The following ZNF177 variants were observed in gnomAD, a reference collection of about 807,000 sequenced individuals.
ZNF177 encodes the protein zinc finger protein 177.
A neutral mutation model predicts 19.4 loss-of-function variants in ZNF177; 17 were observed. The observed-to-expected ratio is 0.87, with a 90% CI of 0.60 to 1.31. ZNF177 has a LOEUF of 1.31. ZNF177 is among the 40% of genes most tolerant of loss of function. The probability of loss-of-function intolerance (pLI) is 0.00; values close to 1 mark genes in which losing one functional copy is unlikely to be tolerated. For missense variants in ZNF177, 633 were observed against 561.8 expected (o/e 1.13, Z -1.28); for synonymous variants, 220 against 188.7 (o/e 1.17, Z -1.36).
chr19:9,371,151 T>G (rs2068042915), intron 2 of ZNF177, among the ~76,000 whole-genome samples: 1 of 152,188 alleles, frequency 6.6e-6, no homozygotes, highest in Admixed American at 6.5e-5. Flanking sequence ...TAACTGTGCA[T>G]CTCTAGTTGG....
At chr19:9,369,813 A>C (rs925847650) in intron 2 of ZNF177, among the ~76,000 whole-genome samples, 4 of 152,106 alleles carry the variant, frequency 2.6e-5, no homozygotes, top group Non-Finnish European at 5.9e-5. Flanking sequence ...CTTACAGTCT[A>C]AACCTAATCA....
upstream of ZNF177, among the ~76,000 whole-genome samples, chr19:9,372,540 C>CTTTTTTTTT (rs61321271): frequency 1.5e-4 from 13 of 84,576 alleles, no homozygotes; most frequent in East Asian, 3.5e-4. Context: ...CTTTCTTTTC[C>CTTTTTTTTT]TTTTTTTTTT....
Position 9,366,824 on chromosome 19 carries a change from A to G in ZNF177, c.-305+1876A>G, listed in dbSNP as rs116289815. 3.0e-3 allele frequency among the ~76,000 whole-genome samples: 456 copies of G among 152,256 alleles called. 1 individual carries two copies. The highest frequency in any genetic ancestry group is 0.01 in the African/African-American group (425 of 41,524). On this transcript the variant is annotated intron_variant, in intron 2 of 8. Coordinates refer to the ZNF177 transcript ENST00000343499. ...ACTTCACTCCCCTCCACAAAAAAAC[A>G]AGAGAATTTCTCCACATCCTCATCC...
intron 1 of ZNF177, among the ~76,000 whole-genome samples, 170 bp downstream of exon 3, chr19:9,376,593 A>G (rs539578462): frequency 2.0e-5 from 3 of 152,242 alleles, no homozygotes; most frequent in Admixed American, 1.3e-4. Flanking sequence ...TGTGGCTACT[A>G]TGAAGCTTAA....
chr19:9,366,626 T>C (rs867176973), intron 2 of ZNF177, among the ~76,000 whole-genome samples: 3 of 152,358 alleles, frequency 2.0e-5, no homozygotes, highest in Middle Eastern at 6.8e-3. Context: ...CGTTCATCGG[T>C]AGATAGACAT....
At chr19:9,373,096 A>C (rs2068068183), upstream of ZNF177, among the ~76,000 whole-genome samples, 1 of 152,182 alleles carries the variant, frequency 6.6e-6, no homozygotes, top group Admixed American at 6.5e-5. Context: ...TCAGGTCTCC[A>C]AAACTCAGCC....
intron 2 of ZNF177, among the ~76,000 whole-genome samples, chr19:9,365,728 T>C (rs1882571158): frequency 6.6e-6 from 1 of 151,612 alleles, no homozygotes; most frequent in African/African-American, 2.4e-5. Flanking sequence ...ATAAAACACG[T>C]CTCCTGTCTA....
chr19:9,366,955 G>A (rs1411167937), intron 2 of ZNF177, among the ~76,000 whole-genome samples: 1 of 152,196 alleles, frequency 6.6e-6, no homozygotes, highest in East Asian at 1.9e-4. Context: ...ATCTTTTCAT[G>A]TGCAGTTGAC....
intron 1 of ZNF177, among the ~76,000 whole-genome samples, chr19:9,377,502 G>A (rs10416662): frequency 0.55 from 83,315 of 151,836 alleles, 23,040 homozygotes; most frequent in Middle Eastern, 0.62. Context: ...AGTGGGACAC[G>A]GTAGAAGGTG....
At chr19:9,366,022 C>T (rs766457083) in intron 2 of ZNF177, among the ~76,000 whole-genome samples, 7 of 152,108 alleles carry the variant, frequency 4.6e-5, no homozygotes, top group Admixed American at 4.6e-4. Context: ...CTACCTCTGT[C>T]GCCAGGCTAG....
In ZNF177 at chr19:9,381,846, A is replaced by G. The variant is rs2068208489; in HGVS notation, c.*69A>G. 4.6e-6 allele frequency: 7 copies of G among 1,520,800 alleles called. No homozygotes were observed. In the Admixed American group the frequency reaches 1.5e-4, roughly 33 times the overall value. The allele number at this position is 1,520,800 out of a possible 1,614,324, so 94.2% of individuals were successfully genotyped here. Reference sequence around the variant, plus strand: ...CACTTTAGAACATATATTGGAGAGAAGCCCTGTTATGGTCACCTGGAAACA... The same window carrying G: ...CACTTTAGAACATATATTGGAGAGAGGCCCTGTTATGGTCACCTGGAAACA... On this transcript the variant is annotated 3_prime_UTR_variant, in exon 6 of 6. Transcript: ENST00000589262.
chr19:9,363,457 T>C (rs377009526), intron 1 of ZNF177, among the ~76,000 whole-genome samples: 1 of 152,204 alleles, frequency 6.6e-6, no homozygotes, highest in Non-Finnish European at 1.5e-5. Flanking sequence ...ATGCGCGTTA[T>C]TGGTTTGTGG....
chr19:9,376,014 T>A (rs976937246), upstream of ZNF177, among the ~76,000 whole-genome samples: 3 of 152,194 alleles, frequency 2.0e-5, no homozygotes, highest in Admixed American at 2.0e-4. Flanking sequence ...TTTTCCCATC[T>A]TTTTACTTTC....
At chr19:9,369,381 T>C (rs1363888908) in intron 2 of ZNF177, among the ~76,000 whole-genome samples, 3 of 152,152 alleles carry the variant, frequency 2.0e-5, no homozygotes, top group African/African-American at 7.2e-5. Context: ...TAATAGTGCC[T>C]TTTGTCTCAA....
intron 1 of ZNF177, among the ~76,000 whole-genome samples, chr19:9,364,086 A>C (rs2067944458): frequency 1.3e-5 from 2 of 152,134 alleles, no homozygotes; most frequent in South Asian, 4.1e-4. Context: ...CTACAATCTA[A>C]CTCTAGAACA....
chr19:9,370,404 G>T (rs1199692191), intron 2 of ZNF177, among the ~76,000 whole-genome samples: 3 of 149,478 alleles, frequency 2.0e-5, no homozygotes, highest in African/African-American at 7.5e-5. Flanking sequence ...TAAGTGGTTG[G>T]TTTGTTTTTT....
chr19:9,379,980 C>A, intron 4 of ZNF177, 77 bp from the exon 7 acceptor site: 1 of 1,509,126 alleles, frequency 6.6e-7, no homozygotes, highest in Non-Finnish European at 8.9e-7. Flanking sequence ...GAAAACAAAT[C>A]CATAGGGTCT....
At chr19:9,372,782 A>G (rs1003266590), upstream of ZNF177, among the ~76,000 whole-genome samples, 2 of 151,920 alleles carry the variant, frequency 1.3e-5, no homozygotes, top group East Asian at 3.9e-4. Context: ...CCTGACCTCA[A>G]GCAATCCACC....
upstream of ZNF177, among the ~76,000 whole-genome samples, chr19:9,375,663 A>C (rs1382950437): frequency 6.6e-6 from 1 of 152,092 alleles, no homozygotes; most frequent in Admixed American, 6.5e-5. Flanking sequence ...TGTGGTTATC[A>C]GTTGTAATGC....
Sources: gnomAD v4.1 joint callset for allele counts (sites outside exome capture counted in the v4.1 genomes callset) on GRCh38, gnomAD v4.1.1 for gene constraint, MANE v1.5 for transcripts, NCBI Gene and HGNC (gene_info 2026-07-23, HGNC 2026-07-21) for gene names.